NRXN3: variants seen among roughly 807,000 people sequenced by gnomAD.
The protein encoded by NRXN3 is neurexin III.
In NRXN3, 32 loss-of-function variants were observed where a neutral mutation model predicts 137.6. The observed-to-expected ratio is 0.23, with a 90% CI of 0.18 to 0.31. NRXN3 has a LOEUF of 0.31. NRXN3 is among the 10% of genes least tolerant of loss of function. NRXN3 has a pLI of 1.00. For synonymous variants in NRXN3, 798 were observed against 784.5 expected (o/e 1.02, Z -0.29); for missense variants, 1,574 against 2,062.5 (o/e 0.76, Z 4.59).
At chr14:79,767,214 C>T (rs187267768) in intron 19 of NRXN3, among the ~76,000 whole-genome samples, 1 of 152,344 alleles carries the variant, frequency 6.6e-6, no homozygotes, top group African/African-American at 2.4e-5. Flanking sequence ...TTCTTCCTCC[C>T]AGCCCTACTG....
At chr14:78,905,921 A>G (rs1386779497) in intron 10 of NRXN3, among the ~76,000 whole-genome samples, 1 of 152,024 alleles carries the variant, frequency 6.6e-6, no homozygotes, top group East Asian at 1.9e-4. Flanking sequence ...ACAAAATTAA[A>G]GAACATACGA....
chr14:78,272,756 T>A (rs2072987750), intron 2 of NRXN3, among the ~76,000 whole-genome samples: 1 of 152,224 alleles, frequency 6.6e-6, no homozygotes, highest in South Asian at 2.1e-4. Context: ...CTGCTGAGTC[T>A]GAGAGGTATA....
chr14:79,530,354 A>T (rs987555427), intron 16 of NRXN3, among the ~76,000 whole-genome samples: 4 of 152,172 alleles, frequency 2.6e-5, no homozygotes, highest in Non-Finnish European at 5.9e-5. Context: ...ATTTAAATCA[A>T]AATTTAAAAA....
At chr14:78,764,909 C>G (rs755614402) in intron 8 of NRXN3, among the ~76,000 whole-genome samples, 1 of 152,140 alleles carries the variant, frequency 6.6e-6, no homozygotes, top group Non-Finnish European at 1.5e-5. Context: ...CACTCAAGGA[C>G]TGAGGAATCA....
At chr14:78,463,439 G>C (rs2094988300) in intron 4 of NRXN3, among the ~76,000 whole-genome samples, 1 of 151,442 alleles carries the variant, frequency 6.6e-6, no homozygotes, top group South Asian at 2.1e-4. Flanking sequence ...TGAATCGAAT[G>C]GTAATTCTAT....
intron 15 of NRXN3, among the ~76,000 whole-genome samples, chr14:79,414,334 A>G (rs891453634): frequency 1.3e-5 from 2 of 152,138 alleles, no homozygotes; most frequent in Non-Finnish European, 2.9e-5. Flanking sequence ...CCCTTTTCTT[A>G]TGAAAAGTTT....
chr14:78,726,352 C>G (rs760484989), intron 8 of NRXN3, among the ~76,000 whole-genome samples: 2 of 151,996 alleles, frequency 1.3e-5, no homozygotes, highest in Non-Finnish European at 1.5e-5. Context: ...ACCCCCACCC[C>G]CTAACAGGCC....
chr14:78,554,688 A>G (rs1252103681), intron 4 of NRXN3, among the ~76,000 whole-genome samples: 1 of 152,182 alleles, frequency 6.6e-6, no homozygotes, highest in Admixed American at 6.5e-5. Flanking sequence ...GCAATTGTCC[A>G]TATTTTTCAC....
intron 16 of NRXN3, among the ~76,000 whole-genome samples, chr14:79,563,963 A>C (rs982106913): frequency 6.6e-6 from 1 of 152,124 alleles, no homozygotes; most frequent in African/African-American, 2.4e-5. Flanking sequence ...GAAGAGAACC[A>C]GCTACTTATG....
At chr14:79,759,673 T>C (rs1189531462) in intron 19 of NRXN3, among the ~76,000 whole-genome samples, 2 of 151,642 alleles carry the variant, frequency 1.3e-5, no homozygotes, top group African/African-American at 4.9e-5. Context: ...TCAAAGCAAA[T>C]ATCTGCTATT....
intron 4 of NRXN3, among the ~76,000 whole-genome samples, chr14:78,602,016 G>C (rs1453017475): frequency 6.6e-6 from 1 of 152,098 alleles, no homozygotes; most frequent in African/African-American, 2.4e-5. Context: ...ATGTCAGGTT[G>C]GCATTCTTGG....
At chr14:79,724,891 C>T (rs960989911) in intron 19 of NRXN3, among the ~76,000 whole-genome samples, 1 of 152,112 alleles carries the variant, frequency 6.6e-6, no homozygotes, top group South Asian at 2.1e-4. Flanking sequence ...AACATGCTTT[C>T]ATTTAGTGCT....
chr14:78,854,642 A>C (rs1428688000), intron 10 of NRXN3, among the ~76,000 whole-genome samples: 1 of 152,214 alleles, frequency 6.6e-6, no homozygotes, highest in Non-Finnish European at 1.5e-5. Context: ...AATAGAGGCT[A>C]TTCTTTTCAA....
chr14:79,758,862 A>G (rs1603466934), intron 19 of NRXN3, among the ~76,000 whole-genome samples: 1 of 152,192 alleles, frequency 6.6e-6, no homozygotes, highest in South Asian at 2.1e-4. Flanking sequence ...GTTTTCTAGC[A>G]TGGGTTGCCA....
At chr14:79,191,887 A>T (rs894709802) in intron 15 of NRXN3, among the ~76,000 whole-genome samples, 1 of 152,062 alleles carries the variant, frequency 6.6e-6, no homozygotes, top group Non-Finnish European at 1.5e-5. Context: ...ACAAATAGAT[A>T]AGGTGGCTTC....
At chr14:79,536,416 CACA>C (rs1324704109) in intron 16 of NRXN3, among the ~76,000 whole-genome samples, 2 of 146,936 alleles carry the variant, frequency 1.4e-5, no homozygotes, top group African/African-American at 2.5e-5. Context: ...TACATCTGGT[CACA>C]ACATTTTTTT....
intron 16 of NRXN3, among the ~76,000 whole-genome samples, chr14:79,631,250 G>C (rs1466282966): frequency 2.0e-5 from 3 of 152,262 alleles, no homozygotes; most frequent in Non-Finnish European, 2.9e-5. Flanking sequence ...GTAAGTGCTA[G>C]AGAGGAAAGG....
intron 3 of NRXN3, among the ~76,000 whole-genome samples, chr14:78,290,408 C>CTAGT (rs1055246181): frequency 9.9e-5 from 15 of 152,150 alleles, no homozygotes; most frequent in African/African-American, 3.6e-4. Flanking sequence ...CTGTAAGGAA[C>CTAGT]TAGTGAACCC....
At chr14:79,739,324 A>C (rs1279514935) in intron 19 of NRXN3, among the ~76,000 whole-genome samples, 2 of 152,148 alleles carry the variant, frequency 1.3e-5, no homozygotes, top group African/African-American at 2.4e-5. Flanking sequence ...AAATGATTGG[A>C]GAAATACAAT....
Sources: allele counts gnomAD v4.1 joint callset (sites outside exome capture counted in the v4.1 genomes callset), GRCh38; gene constraint gnomAD v4.1.1; transcripts MANE v1.5; gene names NCBI Gene and HGNC (gene_info 2026-07-23, HGNC 2026-07-21).